Variants in CARM1 observed in about 807,000 individuals in gnomAD.
CARM1 encodes the protein coactivator associated arginine methyltransferase 1.
CARM1 carries 14 observed loss-of-function variants against 72.7 expected under a neutral mutation model. The ratio of observed to expected loss-of-function variants is 0.19; its 90% CI spans 0.13 to 0.30. The LOEUF is 0.30. Ranked by LOEUF, CARM1 falls within the 10% of genes least tolerant of loss-of-function variation. The pLI is 1.00. For synonymous variants in CARM1, 333 were observed against 345.5 expected (o/e 0.96, Z 0.40); for missense variants, 432 against 833.7 (o/e 0.52, Z 5.93).
intron 1 of CARM1, among the ~76,000 whole-genome samples, chr19:10,876,516 A>G (rs1369340313): frequency 1.3e-5 from 2 of 152,164 alleles, no homozygotes; most frequent in African/African-American, 4.8e-5. Flanking sequence ...CGTGGGGAGG[A>G]CTTCCAGCCC....
intron 1 of CARM1, among the ~76,000 whole-genome samples, chr19:10,873,624 G>GTTTTTTTTTTTTT (rs1169565864): frequency 2.1e-5 from 1 of 47,342 alleles, no homozygotes; most frequent in Non-Finnish European, 3.6e-5. Context: ...TTTTAGTTTA[G>GTTTTTTTTTTTTT]TTTTTTTTTT....
Position 10,916,370 on chromosome 19 carries a change from C to T in CARM1, c.848-37C>T. 7.0e-7 allele frequency: 1 copy of T among 1,419,848 alleles called. No homozygotes were observed. 88.0% of individuals were successfully genotyped at this position (1,419,848 alleles called of 1,614,324 possible). On this transcript the variant is annotated intron_variant, in intron 6 of 15. Transcript: ENST00000327064. The surrounding 1 kb of genome is among the most constrained non-coding windows in gnomAD (Gnocchi z 4.4). ...CTCTGCCAGGCAGTGTGGGATGTGT[C>T]ACCTGACGCCAGCACCCCTCCCTGC...
At chr19:10,900,482 T>C (rs549309699) in intron 1 of CARM1, among the ~76,000 whole-genome samples, 1 of 152,338 alleles carries the variant, frequency 6.6e-6, no homozygotes, top group East Asian at 1.9e-4. Context: ...TTTCTGCTAT[T>C]CATTCATGTT....
At chr19:10,904,884 G>A in intron 1 of CARM1, 67 bp from the exon 2 acceptor site, 2 of 1,583,754 alleles carry the variant, frequency 1.3e-6, no homozygotes, top group Non-Finnish European at 1.7e-6. Flanking sequence ...GGGCGACAGG[G>A]ACCCAGGCTC....
chr19:10,921,165 T>C, intron 14 of CARM1, 38 bp downstream of exon 14: 3 of 1,577,946 alleles, frequency 1.9e-6, no homozygotes, highest in Non-Finnish European at 2.6e-6. Context: ...CAGGGAGCCA[T>C]GCCCAGGACT....
At chr19:10,894,827 A>C (rs2145206946) in intron 1 of CARM1, among the ~76,000 whole-genome samples, 1 of 143,882 alleles carries the variant, frequency 7.0e-6, no homozygotes. Context: ...TGCAGCCTTG[A>C]CCTCCCAGGC....
chr19:10,914,203 C>G, intron 6 of CARM1, 149 bp downstream of exon 6: 1 of 787,688 alleles, frequency 1.3e-6, no homozygotes, highest in Non-Finnish European at 2.0e-6. Context: ...CACCCCAACC[C>G]CACTCCAGCC....
intron 1 of CARM1, among the ~76,000 whole-genome samples, chr19:10,893,632 CCT>C (rs2074004074): frequency 6.6e-6 from 1 of 152,256 alleles, no homozygotes; most frequent in South Asian, 2.1e-4. Context: ...GCCACCGCCC[CCT>C]GTCATTGTGC....
At position 10,896,853 on chromosome 19, in the gene CARM1, C is replaced by T. The variant is rs900077369; in HGVS notation, c.221-8098C>T. 5.9e-5 allele frequency among the ~76,000 whole-genome samples: 9 copies of T among 152,156 alleles called. No homozygotes were observed. The highest frequency in any genetic ancestry group is 2.1e-4 in the South Asian group (1 of 4,830). On this transcript the variant is annotated intron_variant, in intron 1 of 15. Coordinates refer to ENST00000327064, the MANE Select transcript of CARM1 (RefSeq NM_199141.2). The surrounding 1 kb of genome is among the most constrained non-coding windows in gnomAD (Gnocchi z 5.2). ...AGGATGGGGAGTGTGTCTCCATTGCCGAGTGCCTAGTGAGCAGATAGGGAA... is the reference window on the plus strand; with the variant it reads ...AGGATGGGGAGTGTGTCTCCATTGCTGAGTGCCTAGTGAGCAGATAGGGAA...
rs1170444693 is a variant in CARM1 at position 10,916,704 on chromosome 19, C to T, written c.947C>T (p.Pro316Leu). ...GTGGGGCCTGTCCACAGGTACCAGC[C>T]ATCTTTCCATGGAGTGGACCTGTCG... ...QFTKANFWYQ[P>L]SFHGVDLSAL... Residue 316 changes from proline (P) to leucine (L), a missense_variant, in exon 8 of 16, where the codon CCA (proline) becomes CTA (leucine). Transcript: ENST00000327064. This position sits in a 1 kb window ranked among gnomAD's most constrained non-coding sequence, Gnocchi z 4.4. 1 of 1,567,434 alleles carries T rather than the reference C, an allele frequency of 6.4e-7. No individual in the cohort carries two copies. Among genetic ancestry groups the T allele is most frequent in the Non-Finnish European group, 8.7e-7 (1 of 1,155,888 alleles).
chr19:10,896,083 T>C lies in CARM1; in HGVS notation c.221-8868T>C, dbSNP rs991754273. On this transcript the variant is annotated intron_variant, in intron 1 of 15. Transcript: ENST00000327064. The surrounding 1 kb of genome is among the most constrained non-coding windows in gnomAD (Gnocchi z 5.2). ...AAGGTGCTGGGGAACCGTGGGGCGG[T>C]GTGAAGCAGGCGGGTTGTGTTAGAC... 1.3e-5 allele frequency among the ~76,000 whole-genome samples: 2 copies of C among 151,694 alleles called. No individual in the cohort carries two copies. The highest frequency in any genetic ancestry group is 2.4e-5 in the African/African-American group (1 of 41,232).
Position 10,912,090 on chromosome 19 carries a change from A to G in CARM1, c.559-94A>G. The G allele has an allele frequency of 1.1e-6, 1 of 893,154 alleles. No individual in the cohort carries two copies. Among genetic ancestry groups the G allele is most frequent in the Non-Finnish European group, 1.9e-6 (1 of 524,098 alleles). The allele number at this position is 893,154 out of a possible 1,614,324, so 55.3% of individuals were successfully genotyped here. A position where few individuals can be genotyped will look rare whatever the true frequency, so the allele number is the denominator to read the frequency against. On this transcript the variant is annotated intron_variant, in intron 4 of 15. Transcript: ENST00000327064. This position sits in a 1 kb window ranked among gnomAD's most constrained non-coding sequence, Gnocchi z 4.5. ...GGGCAAACATTGAGAGTGAAGACAGACGCCTCATGATGTGCACATCCCTTA... is the reference window on the plus strand; with the variant it reads ...GGGCAAACATTGAGAGTGAAGACAGGCGCCTCATGATGTGCACATCCCTTA...
Position 10,920,855 on chromosome 19 carries a change from A to G in CARM1, c.1446A>G (p.Ser482=). The part of the protein sequence containing the change: ...PFFRYTGTTP[S]PPPGSHYTSP... ...ATAGATACACGGGCACAACGCCCTC[A>G]CCCCCACCCGGCTCCCACTACACAT... The change falls in exon 13 of 16, where the codon TCA becomes TCG. Residue 482 remains serine (S), a synonymous_variant. Transcript: ENST00000327064. The surrounding 1 kb of genome is among the most constrained non-coding windows in gnomAD (Gnocchi z 5.3). 6.2e-7 allele frequency: 1 copy of G among 1,613,908 alleles called. No homozygotes were observed. The highest frequency in any genetic ancestry group is 1.1e-5 in the South Asian group (1 of 91,066).
In CARM1 at chr19:10,920,054, C is replaced by A; in HGVS notation, c.1196+88C>A. On this transcript the variant is annotated intron_variant, in intron 10 of 15. Coordinates refer to ENST00000327064, the MANE Select transcript of CARM1 (RefSeq NM_199141.2). The surrounding 1 kb of genome is among the most constrained non-coding windows in gnomAD (Gnocchi z 5.3). ...ACCTGGCTGGGGGGGTGGAACATGG[C>A]TCCAGGTTCCACCATCCCTTCCAAT... The A allele has an allele frequency of 8.1e-6, 8 of 988,712 alleles. No homozygotes were observed. Among genetic ancestry groups the A allele is most frequent in the Non-Finnish European group, 1.1e-5 (7 of 630,712 alleles). The allele number at this position is 988,712 out of a possible 1,614,324, so 61.2% of individuals were successfully genotyped here. A position where few individuals can be genotyped will look rare whatever the true frequency, so the allele number is the denominator to read the frequency against.
Position 10,916,527 on chromosome 19 carries a change from C to A in CARM1, c.938+30C>A. The A allele has an allele frequency of 6.5e-7, 1 of 1,549,486 alleles. No individual in the cohort carries two copies. Among genetic ancestry groups the A allele is most frequent in the Non-Finnish European group, 8.9e-7 (1 of 1,122,176 alleles). ...GTGTGCCCTGGGTGTCCCGCCTGGG[C>A]CCCACAGCCTGCCTTCTCAGGGACA... On this transcript the variant is annotated intron_variant, in intron 7 of 15. Coordinates refer to ENST00000327064, the MANE Select transcript of CARM1 (RefSeq NM_199141.2). The surrounding 1 kb of genome is among the most constrained non-coding windows in gnomAD (Gnocchi z 4.4).
chr19:10,873,701 T>A (rs1215152893), intron 1 of CARM1, among the ~76,000 whole-genome samples: 2 of 127,546 alleles, frequency 1.6e-5, no homozygotes, highest in Non-Finnish European at 3.2e-5. Context: ...GTGCAGTGGC[T>A]CAATCTCGGC....
chr19:10,897,658 A>G (rs1209516125), intron 1 of CARM1, among the ~76,000 whole-genome samples: 1 of 152,148 alleles, frequency 6.6e-6, no homozygotes, highest in Non-Finnish European at 1.5e-5. Context: ...CCACCTGGAG[A>G]TCCCAGTCCC....
chr19:10,917,725 T>C (rs975428042), intron 8 of CARM1, among the ~76,000 whole-genome samples: 11 of 149,762 alleles, frequency 7.3e-5, no homozygotes, highest in African/African-American at 2.7e-4. Context: ...TTTCTTTTTT[T>C]TTTTTTTTTT....
At position 10,920,690 on chromosome 19, in the gene CARM1, G is replaced by A; in HGVS notation, c.1366G>A (p.Val456Met). 6.2e-7 allele frequency: 1 copy of A among 1,614,140 alleles called. No individual in the cohort carries two copies. The change falls in exon 12 of 16, where the codon GTG becomes ATG. Residue 456 changes from valine to methionine, a missense_variant. By Grantham distance (21) the Val-to-Met change is conservative. Around this residue, in one of 3 missense-constraint regions of CARM1, gnomAD observed 152 missense variants for 452.8 expected, o/e 0.34. Coordinates refer to ENST00000327064, the MANE Select transcript of CARM1 (RefSeq NM_199141.2). The surrounding 1 kb of genome is among the most constrained non-coding windows in gnomAD (Gnocchi z 5.3). ...CTACGACATCAGTATTGTGGCCCAG[G>A]TGGACCAGACCGGCTCCAAGTCCAG... is the stretch of plus-strand genomic sequence containing the variant. ...QSYDISIVAQ[V>M]DQTGSKSSNL...
Sources: allele counts gnomAD v4.1 joint callset (sites outside exome capture counted in the v4.1 genomes callset), GRCh38; gene constraint gnomAD v4.1.1; regional missense constraint gnomAD v4.1.1; non-coding constraint Gnocchi (gnomAD v3.1); transcripts MANE v1.5; gene names NCBI Gene and HGNC (gene_info 2026-07-23, HGNC 2026-07-21).